Variants in TRHDE observed in about 807,000 individuals in gnomAD.
TRHDE encodes the protein thyrotropin releasing hormone degrading enzyme, also known as thyrotropin-releasing hormone-degrading ectoenzyme.
TRHDE carries 72 observed loss-of-function variants against 125.7 expected under a neutral mutation model. The observed-to-expected ratio is 0.57, with a 90% CI of 0.47 to 0.70. The LOEUF is 0.70. Ranked by LOEUF, TRHDE falls within the 30% of genes least tolerant of loss-of-function variation. The pLI is 0.00. For missense variants in TRHDE, 1,110 were observed against 1,327.1 expected (o/e 0.84, Z 2.54); for synonymous variants, 509 against 509.1 (o/e 1.00, Z 0.00).
chr12:72,617,844 C>T (rs1311787050), intron 12 of TRHDE, among the ~76,000 whole-genome samples: 2 of 152,138 alleles, frequency 1.3e-5, no homozygotes, highest in African/African-American at 4.8e-5. Flanking sequence ...TTAATAAGGG[C>T]ACTAATCCCA....
intron 3 of TRHDE, among the ~76,000 whole-genome samples, chr12:72,457,615 A>G (rs1178737835): frequency 2.6e-5 from 4 of 151,832 alleles, no homozygotes; most frequent in Non-Finnish European, 4.4e-5. Flanking sequence ...AATTAATGCT[A>G]TACAGTTTTA....
chr12:72,642,156 A>G (rs1270444182), intron 15 of TRHDE, among the ~76,000 whole-genome samples: 3 of 152,164 alleles, frequency 2.0e-5, no homozygotes, highest in Non-Finnish European at 2.9e-5. Context: ...ATAAATTTCT[A>G]TTGTTTATAA....
intron 3 of TRHDE, among the ~76,000 whole-genome samples, chr12:72,453,176 G>T (rs1875665207): frequency 6.6e-6 from 1 of 152,154 alleles, no homozygotes; most frequent in East Asian, 1.9e-4. Context: ...TGACTAAAAT[G>T]CTGATAGTGA....
intron 2 of TRHDE, among the ~76,000 whole-genome samples, chr12:72,351,812 C>T (rs957320301): frequency 4.6e-5 from 7 of 151,916 alleles, no homozygotes; most frequent in African/African-American, 1.2e-4. Flanking sequence ...ATTCTGGACA[C>T]GTCTTTTCTC....
chr12:72,486,268 C>G (rs750092256), intron 5 of TRHDE, among the ~76,000 whole-genome samples: 5 of 152,146 alleles, frequency 3.3e-5, no homozygotes, highest in Admixed American at 2.6e-4. Flanking sequence ...GAAGCTGCAC[C>G]TCAAGTCCCA....
intron 15 of TRHDE, among the ~76,000 whole-genome samples, chr12:72,634,494 T>C (rs1488973938): frequency 6.6e-6 from 1 of 152,018 alleles, no homozygotes; most frequent in Non-Finnish European, 1.5e-5. Context: ...ATCTTTTTTT[T>C]TAATTGTTAA....
intron 2 of TRHDE, among the ~76,000 whole-genome samples, chr12:72,115,234 C>G (rs1358874681): frequency 1.8e-5 from 2 of 110,542 alleles, no homozygotes; most frequent in African/African-American, 7.0e-5. Flanking sequence ...CCCCACCCCC[C>G]TCCCACTATT....
At chr12:72,548,395 T>C (rs1410267944) in intron 7 of TRHDE, among the ~76,000 whole-genome samples, 3 of 151,792 alleles carry the variant, frequency 2.0e-5, no homozygotes, top group African/African-American at 7.2e-5. Context: ...TACAGGGTTC[T>C]TAGTGCTTAC....
intron 3 of TRHDE, among the ~76,000 whole-genome samples, chr12:72,469,101 G>A (rs553017009): frequency 6.6e-6 from 1 of 152,102 alleles, no homozygotes; most frequent in Non-Finnish European, 1.5e-5. Context: ...TATTTCATAG[G>A]TGAGGGAATT....
chr12:72,186,755 A>G (rs1877223387), intron 2 of TRHDE: 1 of 152,072 alleles, frequency 6.6e-6, no homozygotes, highest in Non-Finnish European at 1.5e-5. Flanking sequence ...TACTAAAAAG[A>G]TTTTGACTTT....
At chr12:72,404,160 T>C (rs1265974734) in intron 3 of TRHDE, among the ~76,000 whole-genome samples, 3 of 152,118 alleles carry the variant, frequency 2.0e-5, no homozygotes, top group African/African-American at 7.2e-5. Context: ...ATGCCTGTAA[T>C]CCTAGCACTT....
At chr12:72,163,694 G>A (rs1241328127) in intron 2 of TRHDE, among the ~76,000 whole-genome samples, 2 of 152,102 alleles carry the variant, frequency 1.3e-5, no homozygotes, top group East Asian at 1.9e-4. Flanking sequence ...ACTTAATGGC[G>A]GCTTAAGCTA....
At chr12:72,650,625 T>C (rs777215419) in intron 15 of TRHDE, among the ~76,000 whole-genome samples, 2 of 152,124 alleles carry the variant, frequency 1.3e-5, no homozygotes, top group Non-Finnish European at 2.9e-5. Flanking sequence ...CTTACTATAG[T>C]ATCATGCTTA....
chr12:72,270,889 T>C (rs1046497714), upstream of TRHDE, among the ~76,000 whole-genome samples: 1 of 152,244 alleles, frequency 6.6e-6, no homozygotes, highest in African/African-American at 2.4e-5. Flanking sequence ...TATGAACCTA[T>C]TTTGATGCTG....
chr12:72,540,856 C>A (rs896463112), intron 6 of TRHDE, among the ~76,000 whole-genome samples: 9 of 151,496 alleles, frequency 5.9e-5, no homozygotes, highest in Non-Finnish European at 1.3e-4. Context: ...TCAGAAAAGG[C>A]ATAAAACTAT....
chr12:72,593,789 G>T (rs1480693291), intron 12 of TRHDE, among the ~76,000 whole-genome samples: 6 of 152,156 alleles, frequency 3.9e-5, no homozygotes, highest in African/African-American at 1.4e-4. Flanking sequence ...CCTTGCGACA[G>T]TTTGCTCAAA....
intron 6 of TRHDE, among the ~76,000 whole-genome samples, chr12:72,507,114 C>A (rs991730678): frequency 3.3e-5 from 5 of 152,160 alleles, no homozygotes; most frequent in African/African-American, 1.2e-4. Flanking sequence ...GGCCTCCCAA[C>A]CCATGCTTCC....
rs528277016 is a variant in TRHDE at position 72,318,848 on chromosome 12, A to T, written c.1188+31894A>T. Among the ~76,000 whole-genome samples the T allele has an allele frequency of 1.6e-4, 25 of 152,270 alleles. No individual in the cohort carries two copies. In the South Asian group the frequency reaches 4.6e-3, roughly 28 times the overall value. ...ATCTCAATCAATAAGTGCTATTATT[A>T]TCATTTTGTAATGGTTACTCTATCG... On this transcript the variant is annotated intron_variant, in intron 2 of 18. Transcript: ENST00000261180.
intron 18 of TRHDE, among the ~76,000 whole-genome samples, chr12:72,660,147 G>A (rs1874860556): frequency 6.6e-6 from 1 of 152,190 alleles, no homozygotes; most frequent in Non-Finnish European, 1.5e-5. Context: ...GAGAGGGAAG[G>A]CAGCATATGT....
Sources: allele counts gnomAD v4.1 joint callset (sites outside exome capture counted in the v4.1 genomes callset), GRCh38; gene constraint gnomAD v4.1.1; transcripts MANE v1.5; gene names NCBI Gene and HGNC (gene_info 2026-07-23, HGNC 2026-07-21).